The following KIFC3 variants were observed in gnomAD, a reference collection of about 807,000 sequenced individuals.
The protein encoded by KIFC3 is kinesin-like protein KIFC3.
A neutral mutation model predicts 101.8 loss-of-function variants in KIFC3; 60 were observed. That is an observed-to-expected ratio of 0.59 (90% CI 0.48 to 0.73). The LOEUF (loss-of-function observed/expected upper bound fraction) is 0.73, where lower values mean the gene tolerates loss of function less well. Among genes scored for constraint, KIFC3 ranks in the 30% least tolerant of loss-of-function variants. KIFC3 has a pLI of 0.00. For missense variants in KIFC3, 966 were observed against 1,137.1 expected, an observed-to-expected ratio of 0.85 and a Z score of 2.16; for synonymous variants, 476 against 482.7, an observed-to-expected ratio of 0.99 and a Z score of 0.18.
intron 2 of KIFC3, 172 bp downstream of exon 2, chr16:57,797,900 C>T (rs1278488131): frequency 2.0e-6 from 3 of 1,482,748 alleles, no homozygotes; most frequent in Non-Finnish European, 2.7e-6. Flanking sequence ...AAGGAGCGCC[C>T]GGCGAGACTG....
Position 57,802,483 on chromosome 16 carries a change from C to T in KIFC3, c.-153G>A. 1 of 983,412 alleles carries T rather than the reference C, an allele frequency of 1.0e-6. No homozygotes were observed. The highest frequency in any genetic ancestry group is 1.2e-6 in the Non-Finnish European group (1 of 829,160). The allele number at this position is 983,412 out of a possible 1,614,324, so 60.9% of individuals were successfully genotyped here. On this transcript the variant is annotated 5_prime_UTR_variant, in exon 1 of 20. Coordinates refer to ENST00000445690, the MANE Select transcript of KIFC3 (RefSeq NM_001130100.2). The surrounding 1 kb of genome is among the most constrained non-coding windows in gnomAD (Gnocchi z 5.0). ...CCGCCTCCTCCTCGGCCAGCCCGCT[C>T]GCGCCCCTCCCGCACACTTTCCACA...
intron 1 of KIFC3, among the ~76,000 whole-genome samples, chr16:57,830,231 TC>T (rs2055547790): frequency 6.9e-6 from 1 of 144,630 alleles, no homozygotes; most frequent in Non-Finnish European, 1.5e-5. Context: ...CTTTCTTTTT[TC>T]TTTCTTTTTT....
chr16:57,842,805 G>A (rs2055840001), intron 1 of KIFC3, among the ~76,000 whole-genome samples: 2 of 152,122 alleles, frequency 1.3e-5, no homozygotes, highest in Non-Finnish European at 1.5e-5. Context: ...CCAACACTAG[G>A]CCACACAATT....
chr16:57,776,084 G>A lies in KIFC3; in HGVS notation c.316-3796C>T, dbSNP rs150373635. The A allele has an allele frequency of 2.3e-4, 225 of 985,466 alleles. 1 individual carries two copies. The African/African-American group carries it at 3.2e-3, about 14-fold the overall frequency. The allele number at this position is 985,466 out of a possible 1,614,324, so 61.0% of individuals were successfully genotyped here. A position where few individuals can be genotyped will look rare whatever the true frequency, so the allele number is the denominator to read the frequency against. On this transcript the variant is annotated intron_variant, in intron 3 of 19. Transcript: ENST00000445690. The stretch of plus-strand genomic sequence containing the variant: ...TTTCTCAGCTGTCTGCTTCCAAGGC[G>A]GCCTCTTACCATCACAGAAAGAAAA...
intron 1 of KIFC3, among the ~76,000 whole-genome samples, chr16:57,827,834 C>T (rs984177494): frequency 6.6e-6 from 1 of 152,228 alleles, no homozygotes; most frequent in East Asian, 1.9e-4. Context: ...GCTGATTTGT[C>T]ATCTGTGGTG....
intron 1 of KIFC3, among the ~76,000 whole-genome samples, chr16:57,832,321 CTT>C (rs1165977084): frequency 5.3e-4 from 39 of 73,504 alleles, no homozygotes; most frequent in African/African-American, 1.4e-3. Context: ...GCGCCAGGCC[CTT>C]TTTTTTTTTT....
chr16:57,769,555 C>T lies in KIFC3; in HGVS notation c.1218+40G>A. ...GGATGTCGTGCCTCTCCCAGTGCAC[C>T]CCCTTAGCCTGGACCCTCCCACCCA... On this transcript the variant is annotated intron_variant, in intron 9 of 19. Transcript: ENST00000445690. The surrounding 1 kb of genome is among the most constrained non-coding windows in gnomAD (Gnocchi z 4.3). 1 of 1,576,064 alleles carries T rather than the reference C, an allele frequency of 6.3e-7. No homozygotes were observed. Among genetic ancestry groups the T allele is most frequent in the Non-Finnish European group, 8.6e-7 (1 of 1,161,278 alleles).
At chr16:57,767,113 T>C in intron 9 of KIFC3, 128 bp from the exon 10 acceptor site, 2 of 690,480 alleles carry the variant, frequency 2.9e-6, no homozygotes. Flanking sequence ...CTGTCACATG[T>C]CAGACTGTCC....
intron 1 of KIFC3, among the ~76,000 whole-genome samples, chr16:57,815,148 G>T (rs1400917911): frequency 6.6e-6 from 1 of 152,160 alleles, no homozygotes; most frequent in Non-Finnish European, 1.5e-5. Context: ...GGAACTTGGG[G>T]TGACCTCCTT....
intron 1 of KIFC3, among the ~76,000 whole-genome samples, chr16:57,800,865 C>T (rs959621805): frequency 6.6e-6 from 1 of 152,090 alleles, no homozygotes; most frequent in African/African-American, 2.4e-5. Flanking sequence ...ACCTGGTGTC[C>T]GGGGACTTCT....
upstream of KIFC3, among the ~76,000 whole-genome samples, chr16:57,804,421 A>G (rs1555626526): frequency 6.6e-6 from 1 of 152,250 alleles, no homozygotes; most frequent in Admixed American, 6.5e-5. Context: ...AGTGTGTGAT[A>G]GAGCTATGAC....
At chr16:57,828,338 G>A (rs2055500574) in intron 1 of KIFC3, among the ~76,000 whole-genome samples, 1 of 152,236 alleles carries the variant, frequency 6.6e-6, no homozygotes, top group African/African-American at 2.4e-5. Context: ...TGGTAGACCG[G>A]GACTCGGCCC....
intron 7 of KIFC3, 40 bp downstream of exon 7, chr16:57,770,487 G>C (rs1555606930): frequency 7.4e-7 from 1 of 1,356,950 alleles, no homozygotes; most frequent in Non-Finnish European, 9.5e-7. Flanking sequence ...CCTGCCTCTG[G>C]CTTCCTGGCT....
In KIFC3 at chr16:57,802,416, TCGGCCCGGCC is replaced by T. The variant is rs1184594341; in HGVS notation, c.-96_-87del. 17 of 982,420 alleles carry T rather than the reference TCGGCCCGGCC, an allele frequency of 1.7e-5. No individual in the cohort carries two copies. The highest frequency in any genetic ancestry group is 2.1e-5 in the Non-Finnish European group (17 of 828,936). 60.9% of individuals were successfully genotyped at this position (982,420 alleles called of 1,614,324 possible). On this transcript the variant is annotated 5_prime_UTR_variant, in exon 1 of 20. Transcript: ENST00000445690. This position sits in a 1 kb window ranked among gnomAD's most constrained non-coding sequence, Gnocchi z 5.0. ...CAGGCGTCGCCGCAGCGCCCGGGGC[TCGGCCCGGCC>T]CGGCCCGCCGGCAGGAGGCAGCTCC...
chr16:57,765,392 C>T lies in KIFC3; in HGVS notation c.1512+67G>A, dbSNP rs781894283. On this transcript the variant is annotated intron_variant, in intron 11 of 19. Transcript: ENST00000445690. ...AACGCTTCTTCCTGCCCAGCGCCCC[C>T]GCTCCCTGTGAGTCCATCTTTCCCT... is the stretch of plus-strand genomic sequence containing the variant. 4.3e-5 allele frequency: 63 copies of T among 1,480,564 alleles called. No homozygotes were observed. In the East Asian group the frequency reaches 9.7e-4, roughly 23 times the overall value. The allele number at this position is 1,480,564 out of a possible 1,614,324, so 91.7% of individuals were successfully genotyped here. A position where few individuals can be genotyped will look rare whatever the true frequency, so the allele number is the denominator to read the frequency against.
At chr16:57,759,679 AC>A in intron 18 of KIFC3, 48 bp downstream of exon 18, 1 of 1,394,406 alleles carries the variant, frequency 7.2e-7, no homozygotes, top group Non-Finnish European at 9.9e-7. Context: ...CAGCCTGGTG[AC>A]TATTACCCTG....
intron 1 of KIFC3, among the ~76,000 whole-genome samples, chr16:57,811,191 G>A (rs2055063954): frequency 2.0e-5 from 3 of 152,188 alleles, no homozygotes; most frequent in Admixed American, 2.0e-4. Context: ...GTAGTTGAGT[G>A]GTTGCCAGGG....
Position 57,798,017 on chromosome 16 carries a change from T to C in KIFC3, c.172+55A>G, listed in dbSNP as rs2054476266. On this transcript the variant is annotated intron_variant, in intron 2 of 19. Coordinates refer to ENST00000445690, the MANE Select transcript of KIFC3 (RefSeq NM_001130100.2). ...CGGTGAGAAACCTCAGTCTCATCTC[T>C]GGTATCTGGAGGAAGGAAGGGAAAT... The C allele has an allele frequency of 3.2e-6, 5 of 1,553,780 alleles. No individual in the cohort carries two copies. In the South Asian group the frequency reaches 4.7e-5, roughly 15 times the overall value.
rs781838266 is a variant in KIFC3 at position 57,762,112 on chromosome 16, C to T, written c.1748+28G>A. ...GAGGACCCCAAAGCTGCCCCTGAGGCCTGCTCCGCACACCCTGGGGCTCCC... is the reference window on the plus strand; with the variant it reads ...GAGGACCCCAAAGCTGCCCCTGAGGTCTGCTCCGCACACCCTGGGGCTCCC... On this transcript the variant is annotated intron_variant, in intron 13 of 19. Transcript: ENST00000445690. 7.0e-6 allele frequency: 11 copies of T among 1,565,488 alleles called. 1 individual carries two copies. In the South Asian group the frequency reaches 1.3e-4, roughly 18 times the overall value.
Sources: allele counts gnomAD v4.1 joint callset (sites outside exome capture counted in the v4.1 genomes callset), GRCh38; gene constraint gnomAD v4.1.1; non-coding constraint Gnocchi (gnomAD v3.1); transcripts MANE v1.5; gene names NCBI Gene and HGNC (gene_info 2026-07-23, HGNC 2026-07-21).